The following MBTPS1 variants were observed in gnomAD, a reference collection of about 807,000 sequenced individuals.
MBTPS1 encodes the protein membrane bound transcription factor peptidase, site 1, also known as membrane-bound transcription factor site-1 protease.
A neutral mutation model predicts 127.8 loss-of-function variants in MBTPS1; 94 were observed. The ratio of observed to expected loss-of-function variants is 0.74; its 90% CI spans 0.62 to 0.87. The LOEUF is 0.87. Ranked by LOEUF, MBTPS1 falls within the 40% of genes least tolerant of loss-of-function variation. The pLI, the probability that MBTPS1 is intolerant of heterozygous loss-of-function variation, is 0.00. For synonymous variants in MBTPS1, 632 were observed against 509.4 expected (o/e 1.24, Z -3.24); for missense variants, 1,636 against 1,353.2 (o/e 1.21, Z -3.28).
intron 19 of MBTPS1, among the ~76,000 whole-genome samples, chr16:84,062,479 T>C (rs2085627238): frequency 6.6e-6 from 1 of 152,176 alleles, no homozygotes; most frequent in African/African-American, 2.4e-5. Context: ...GCCAGGAATG[T>C]AGTCAACTTC....
chr16:84,097,487 G>A (rs2086192348), intron 3 of MBTPS1, among the ~76,000 whole-genome samples: 1 of 152,188 alleles, frequency 6.6e-6, no homozygotes, highest in Non-Finnish European at 1.5e-5. Flanking sequence ...TCCCCTCACA[G>A]GGGTGTCAGG....
Position 84,084,883 on chromosome 16 carries a change from C to T in MBTPS1, c.1286+100G>A, listed in dbSNP as rs151100269. On this transcript the variant is annotated intron_variant, in intron 10 of 22. Transcript: ENST00000343411. The stretch of plus-strand genomic sequence containing the variant: ...GCTGTGAAGGGCCTAAGCTCTCAAA[C>T]CCAAGACAGGGCAGAAGCAAGACAC... The T allele has an allele frequency of 5.2e-4, 714 of 1,362,160 alleles. 1 individual carries two copies. The African/African-American group carries it at 9.3e-3, about 18-fold the overall frequency. 84.4% of individuals were successfully genotyped at this position (1,362,160 alleles called of 1,614,324 possible).
rs899765614 is a variant in MBTPS1, at chr16:84,056,052, A to G, written c.2915T>C (p.Val972Ala). The change falls in exon 22 of 23, where the codon GTG becomes GCG. Residue 972 changes from valine (V) to alanine (A), a missense_variant. Physicochemically the swap from Val to Ala is moderately conservative, Grantham distance 64. Transcript: ENST00000343411. The part of the protein sequence containing the change: ...LPNFRSNRPQ[V>A]RPLSPGESGA... ...GCTCTCTCCAGGGGACAAGGGCCTC[A>G]CTTGAGGGCGATTCGATCGAAAGTT... 31 of 1,614,088 alleles carry G rather than the reference A, an allele frequency of 1.9e-5. No individual in the cohort carries two copies. Among genetic ancestry groups the G allele is most frequent in the Non-Finnish European group, 2.5e-5 (30 of 1,180,010 alleles).
chr16:84,109,008 G>A (rs1177980718), intron 1 of MBTPS1, among the ~76,000 whole-genome samples: 2 of 152,220 alleles, frequency 1.3e-5, no homozygotes. Context: ...GCACGTGTAC[G>A]TGCTACACAC....
chr16:84,115,781 G>A (rs1474815549), intron 1 of MBTPS1, among the ~76,000 whole-genome samples: 1 of 152,160 alleles, frequency 6.6e-6, no homozygotes, highest in African/African-American at 2.4e-5. Flanking sequence ...TAACGGAAAT[G>A]TTCTAAAAGT....
In MBTPS1 at chr16:84,069,972, G is replaced by C. The variant is rs1181095244; in HGVS notation, c.1849C>G (p.Pro617Ala). 1.2e-6 allele frequency: 2 copies of C among 1,614,106 alleles called. No individual in the cohort carries two copies. Among genetic ancestry groups the C allele is most frequent in the Non-Finnish European group, 1.7e-6 (2 of 1,179,932 alleles). ...LPIKVKIIPT[P>A]PRSKRVLWDQ... ...CAGAGAACTCTCTTGCTTCGCGGGG[G>C]AGTAGGAATTATCTTCACCTTAATG... Residue 617 changes from proline to alanine, a missense_variant, in exon 14 of 23, where the codon CCC becomes GCC. Coordinates refer to ENST00000343411, the MANE Select transcript of MBTPS1 (RefSeq NM_003791.4).
intron 9 of MBTPS1, among the ~76,000 whole-genome samples, chr16:84,087,125 C>T (rs1260623074): frequency 6.6e-6 from 1 of 152,114 alleles, no homozygotes; most frequent in Non-Finnish European, 1.5e-5. Flanking sequence ...TTAGAATCAG[C>T]CGGTGCTCAT....
intron 10 of MBTPS1, among the ~76,000 whole-genome samples, chr16:84,083,221 T>C (rs1358512975): frequency 6.6e-6 from 1 of 152,240 alleles, no homozygotes; most frequent in African/African-American, 2.4e-5. Flanking sequence ...TCTCTCCACC[T>C]GGCAAATACA....
chr16:84,066,463 C>A (rs772464661), intron 17 of MBTPS1, 26 bp downstream of exon 17: 8 of 1,610,534 alleles, frequency 5.0e-6, no homozygotes, highest in Non-Finnish European at 5.9e-6. Flanking sequence ...CACCTAAGAC[C>A]ACGCCCTCAG....
rs79958732 is a variant in MBTPS1 at position 84,083,368 on chromosome 16, C to T, written c.1287-1460G>A. Among the ~76,000 whole-genome samples the T allele has an allele frequency of 8.5e-3, 1,291 of 152,328 alleles. 7 individuals are homozygous for T. Among genetic ancestry groups the T allele is most frequent in the Non-Finnish European group, 0.014 (974 of 68,036 alleles). On this transcript the variant is annotated intron_variant, in intron 10 of 22. Transcript: ENST00000343411. ...CAAGCACATGGTTATTCTCCAAAGGCCAGTCTGGCCAATGTCAACATTCTC... is the reference window on the plus strand; with the variant it reads ...CAAGCACATGGTTATTCTCCAAAGGTCAGTCTGGCCAATGTCAACATTCTC...
chr16:84,114,265 A>G (rs952785982), intron 1 of MBTPS1, among the ~76,000 whole-genome samples: 1 of 152,132 alleles, frequency 6.6e-6, no homozygotes, highest in African/African-American at 2.4e-5. Context: ...CCGGTCGACA[A>G]AGGTGTATTC....
At chr16:84,094,246 C>T (rs1048005880) in intron 4 of MBTPS1, among the ~76,000 whole-genome samples, 1 of 152,104 alleles carries the variant, frequency 6.6e-6, no homozygotes, top group African/African-American at 2.4e-5. Flanking sequence ...ACAAACCACA[C>T]ACCCAAGGAG....
chr16:84,108,713 G>C lies in MBTPS1; in HGVS notation c.-324-6606C>G, dbSNP rs576425935. 2.6e-5 allele frequency among the ~76,000 whole-genome samples: 4 copies of C among 152,340 alleles called. No homozygotes were observed. The South Asian group carries it at 6.2e-4, about 24-fold the overall frequency. On this transcript the variant is annotated intron_variant, in intron 1 of 22. Transcript: ENST00000343411. Reference sequence around the variant, plus strand: ...TTAAGAGTCTGAGCGGAGTGAGGAAGGTATGTGAAGGGAGAGGCACCAGGT... The same window carrying C: ...TTAAGAGTCTGAGCGGAGTGAGGAACGTATGTGAAGGGAGAGGCACCAGGT...
rs199945539 is a variant in MBTPS1 at position 84,054,193 on chromosome 16, T to C, written c.*256A>G. 7.5e-4 allele frequency: 250 copies of C among 333,024 alleles called. No homozygotes were observed. Among genetic ancestry groups the C allele is most frequent in the Non-Finnish European group, 1.0e-3 (185 of 182,242 alleles). 20.6% of individuals were successfully genotyped at this position (333,024 alleles called of 1,614,324 possible). On this transcript the variant is annotated 3_prime_UTR_variant, in exon 23 of 23. Coordinates refer to ENST00000343411, the MANE Select transcript of MBTPS1 (RefSeq NM_003791.4). Reference sequence around the variant, plus strand: ...CTTTCCAGTTCTCCCGAGTCTTTGGTGCGCACAGCTGCCGGCGGGAAGTCT... The same window carrying C: ...CTTTCCAGTTCTCCCGAGTCTTTGGCGCGCACAGCTGCCGGCGGGAAGTCT...
At chr16:84,073,594 GTTT>G (rs1016189023) in intron 12 of MBTPS1, among the ~76,000 whole-genome samples, 1 of 151,772 alleles carries the variant, frequency 6.6e-6, no homozygotes, top group African/African-American at 2.4e-5. Flanking sequence ...CTGGAAGCGA[GTTT>G]TCTATGGTTT....
At chr16:84,062,414 C>A (rs1056454258) in intron 19 of MBTPS1, among the ~76,000 whole-genome samples, 1 of 152,190 alleles carries the variant, frequency 6.6e-6, no homozygotes, top group Non-Finnish European at 1.5e-5. Flanking sequence ...CCACCGCGCC[C>A]GGCCCATTTT....
intron 18 of MBTPS1, among the ~76,000 whole-genome samples, chr16:84,065,366 C>G (rs532078125): frequency 5.1e-4 from 77 of 152,208 alleles, no homozygotes; most frequent in African/African-American, 1.8e-3. Flanking sequence ...ATCTGCCTGC[C>G]TCAGCCTCTC....
chr16:84,112,952 G>C (rs1248824124), intron 1 of MBTPS1, among the ~76,000 whole-genome samples: 1 of 137,702 alleles, frequency 7.3e-6, no homozygotes, highest in Non-Finnish European at 1.5e-5. Flanking sequence ...TCCAGCCTGG[G>C]AGACAGAGCG....
intron 8 of MBTPS1, among the ~76,000 whole-genome samples, chr16:84,089,546 G>C (rs907409273): frequency 9.8e-5 from 15 of 152,318 alleles, no homozygotes; most frequent in African/African-American, 3.6e-4. Context: ...AAAAGAAAAA[G>C]AGCAGCTTCC....
Sources: gnomAD v4.1 joint callset for allele counts (sites outside exome capture counted in the v4.1 genomes callset) on GRCh38, gnomAD v4.1.1 for gene constraint, MANE v1.5 for transcripts, NCBI Gene and HGNC (gene_info 2026-07-23, HGNC 2026-07-21) for gene names.